The following FBXL17 variants were observed in gnomAD, a reference collection of about 807,000 sequenced individuals.
FBXL17 encodes the protein F-box/LRR-repeat protein 17.
In FBXL17, 22 loss-of-function variants were observed where a neutral mutation model predicts 66.2. The observed-to-expected ratio is 0.33, with a 90% CI of 0.24 to 0.47. FBXL17 has a LOEUF of 0.47. Ranked by LOEUF, FBXL17 falls within the 20% of genes least tolerant of loss-of-function variation. FBXL17 has a pLI of 1.00. For missense variants in FBXL17, 878 were observed against 948.2 expected (o/e 0.93, Z 0.97); for synonymous variants, 474 against 400.5 (o/e 1.18, Z -2.19).
intron 7 of FBXL17, among the ~76,000 whole-genome samples, chr5:107,965,378 G>A (rs953052263): frequency 9.2e-5 from 14 of 152,110 alleles, no homozygotes; most frequent in African/African-American, 3.4e-4. Context: ...ATAAAGAACT[G>A]CAGAAATCAA....
intron 6 of FBXL17, among the ~76,000 whole-genome samples, chr5:108,155,625 C>T (rs1016302335): frequency 1.3e-5 from 2 of 152,062 alleles, no homozygotes; most frequent in Non-Finnish European, 2.9e-5. Flanking sequence ...CTAGCAGATC[C>T]CTGGAATGCT....
intron 6 of FBXL17, among the ~76,000 whole-genome samples, chr5:108,147,347 A>G (rs1308409052): frequency 1.3e-5 from 2 of 152,196 alleles, no homozygotes; most frequent in Non-Finnish European, 2.9e-5. Context: ...CTGTGTTTAG[A>G]TGAAATTGGC....
intron 6 of FBXL17, among the ~76,000 whole-genome samples, chr5:108,117,799 T>C (rs1750322057): frequency 6.6e-6 from 1 of 152,176 alleles, no homozygotes; most frequent in Non-Finnish European, 1.5e-5. Flanking sequence ...AGGCCTGCAA[T>C]TAAGAAATGT....
intron 6 of FBXL17, among the ~76,000 whole-genome samples, chr5:108,122,780 G>C (rs1355185531): frequency 6.6e-6 from 1 of 152,128 alleles, no homozygotes; most frequent in African/African-American, 2.4e-5. Flanking sequence ...ACGAGGAACT[G>C]CCCAGACAGC....
intron 7 of FBXL17, among the ~76,000 whole-genome samples, chr5:107,891,707 A>G (rs1156244599): frequency 1.3e-5 from 2 of 152,174 alleles, no homozygotes; most frequent in African/African-American, 2.4e-5. Flanking sequence ...GGAATTTTAC[A>G]TAGTTGCTCT....
intron 4 of FBXL17, among the ~76,000 whole-genome samples, chr5:108,307,408 G>C (rs1299913505): frequency 6.6e-6 from 1 of 151,982 alleles, no homozygotes; most frequent in African/African-American, 2.4e-5. Context: ...TAAGACTCAA[G>C]GAATTCTCCT....
intron 7 of FBXL17, among the ~76,000 whole-genome samples, chr5:107,979,650 C>T (rs146212546): frequency 1.3e-5 from 2 of 152,290 alleles, no homozygotes; most frequent in Non-Finnish European, 2.9e-5. Flanking sequence ...ATGTGGTCTT[C>T]TCTAAAAAGA....
At position 107,874,447 on chromosome 5, in the gene FBXL17, A is replaced by C. The variant is rs570619787; in HGVS notation, c.1965+6590T>G. On this transcript the variant is annotated intron_variant, in intron 8 of 8. Transcript: ENST00000542267. Reference sequence around the variant, plus strand: ...AGGGCTTTATCACAATATTTCATTTAATTTTGTAACAACCCTATGAGATAA... The same window carrying C: ...AGGGCTTTATCACAATATTTCATTTCATTTTGTAACAACCCTATGAGATAA... 2.1e-3 allele frequency among the ~76,000 whole-genome samples: 313 copies of C among 152,320 alleles called. 2 individuals are homozygous for C. The highest frequency in any genetic ancestry group is 7.2e-3 in the African/African-American group (299 of 41,566).
chr5:107,905,134 T>A, intron 7 of FBXL17, among the ~76,000 whole-genome samples: 1 of 152,080 alleles, frequency 6.6e-6, no homozygotes, highest in Admixed American at 6.6e-5. Context: ...AAATAGTAAT[T>A]TTAAAATTAT....
At chr5:108,103,308 T>C (rs958068842) in intron 6 of FBXL17, among the ~76,000 whole-genome samples, 1 of 152,134 alleles carries the variant, frequency 6.6e-6, no homozygotes, top group Non-Finnish European at 1.5e-5. Flanking sequence ...TCCTGCAGCT[T>C]ACGGTTTTAA....
chr5:107,874,491 T>G (rs1748555223), intron 8 of FBXL17, among the ~76,000 whole-genome samples: 1 of 152,208 alleles, frequency 6.6e-6, no homozygotes. Flanking sequence ...ATCATCCCCA[T>G]TTTTCAGTTG....
At chr5:108,105,003 A>G (rs1243975373) in intron 6 of FBXL17, among the ~76,000 whole-genome samples, 1 of 151,948 alleles carries the variant, frequency 6.6e-6, no homozygotes, top group Non-Finnish European at 1.5e-5. Flanking sequence ...CACGATGCCC[A>G]GCTAATTTTT....
At position 108,161,174 on chromosome 5, in the gene FBXL17, A is replaced by ATACATACATACATACT. The variant is rs1491516593; in HGVS notation, c.1745+24942_1745+24943insAGTATGTATGTATGTA. On this transcript the variant is annotated intron_variant, in intron 6 of 8. Coordinates refer to ENST00000542267, the MANE Select transcript of FBXL17 (RefSeq NM_001163315.3). The stretch of plus-strand genomic sequence containing the variant: ...AATCAACAAATAGATACATACATAC[A>ATACATACATACATACT]TACATACATACATACATACATACCC... Among the ~76,000 whole-genome samples the ATACATACATACATACT allele has an allele frequency of 2.3e-3, 354 of 151,878 alleles. 5 individuals are homozygous for ATACATACATACATACT. Among genetic ancestry groups the ATACATACATACATACT allele is most frequent in the African/African-American group, 8.3e-3 (342 of 41,436 alleles).
chr5:108,359,113 G>T (rs1444656232), intron 3 of FBXL17, among the ~76,000 whole-genome samples: 1 of 151,948 alleles, frequency 6.6e-6, no homozygotes, highest in East Asian at 1.9e-4. Context: ...GTTATTCATG[G>T]TTTTCTCATA....
chr5:108,158,476 A>G (rs571722195), intron 6 of FBXL17, among the ~76,000 whole-genome samples: 1 of 150,094 alleles, frequency 6.7e-6, no homozygotes, highest in South Asian at 2.2e-4. Context: ...CTATAACTGT[A>G]AAGCAGTGAC....
intron 4 of FBXL17, among the ~76,000 whole-genome samples, chr5:108,287,284 A>G (rs1420010568): frequency 2.6e-5 from 4 of 152,042 alleles, no homozygotes; most frequent in Admixed American, 2.6e-4. Flanking sequence ...CTCATTAAAG[A>G]GCTTCTAAAC....
chr5:108,313,391 T>C (rs145602042), intron 4 of FBXL17, among the ~76,000 whole-genome samples: 2 of 152,068 alleles, frequency 1.3e-5, no homozygotes, highest in Non-Finnish European at 2.9e-5. Context: ...AAGCAGACAC[T>C]TAAGGCCATT....
Position 108,348,458 on chromosome 5 carries a change from T to C in FBXL17, c.1447A>G (p.Ile483Val). The change falls in exon 4 of 9, where the codon ATC becomes GTC. Residue 483 changes from isoleucine to valine, a missense_variant. Around this residue, in one of 4 missense-constraint regions of FBXL17, gnomAD observed 236 missense variants for 389.1 expected, o/e 0.61. Coordinates refer to ENST00000542267, the MANE Select transcript of FBXL17 (RefSeq NM_001163315.3). ...TTCAGACAGCCCTTAGCTATGACGATCATGCCTTCATCTGAGATCTTGTAA... is the reference window on the plus strand; with the variant it reads ...TTCAGACAGCCCTTAGCTATGACGACCATGCCTTCATCTGAGATCTTGTAA... ...QCYKISDEGM[I>V]VIAKGCLKLQ... 6.2e-7 allele frequency: 1 copy of C among 1,613,696 alleles called. No individual in the cohort carries two copies. The highest frequency in any genetic ancestry group is 2.2e-5 in the East Asian group (1 of 44,808).
Position 108,381,423 on chromosome 5 carries a change from G to T in FBXL17, c.269C>A (p.Ala90Asp). 7.6e-7 allele frequency: 1 copy of T among 1,318,748 alleles called. No individual in the cohort carries two copies. The highest frequency in any genetic ancestry group is 9.6e-7 in the Non-Finnish European group (1 of 1,042,130). The allele number at this position is 1,318,748 out of a possible 1,614,324, so 81.7% of individuals were successfully genotyped here. A position where few individuals can be genotyped will look rare whatever the true frequency, so the allele number is the denominator to read the frequency against. ...CTGAGAGGAGGAGGCGGCAGCGTAG[G>T]CCCCGTCCCGCGGCGGCGGCGAGAG... ...PPLSPPPRDG[A>D]YAAASSSQHL... Residue 90 changes from alanine to aspartate, a missense_variant, in exon 1 of 9, where the codon GCC becomes GAC. By Grantham distance (126) the Ala-to-Asp change is moderately radical. Coordinates refer to ENST00000542267, the MANE Select transcript of FBXL17 (RefSeq NM_001163315.3).
Sources: gnomAD v4.1 joint callset for allele counts (sites outside exome capture counted in the v4.1 genomes callset) on GRCh38, gnomAD v4.1.1 for gene constraint, gnomAD v4.1.1 regional missense constraint, MANE v1.5 for transcripts, NCBI Gene and HGNC (gene_info 2026-07-23, HGNC 2026-07-21) for gene names.